Variants in PCDHGA5 observed in about 807,000 individuals in gnomAD.
PCDHGA5 encodes protocadherin gamma-A5.
Under a neutral mutation model 56.7 loss-of-function variants are expected in PCDHGA5, and 36 were observed. The ratio of observed to expected loss-of-function variants is 0.64; its 90% CI spans 0.49 to 0.84. The LOEUF is 0.84. Ranked by LOEUF, PCDHGA5 falls within the 40% of genes least tolerant of loss-of-function variation. The pLI is 0.00. For synonymous variants in PCDHGA5, 563 were observed against 520.2 expected (o/e 1.08, Z -1.12); for missense variants, 1,305 against 1,201.5 (o/e 1.09, Z -1.27).
In PCDHGA5 at chr5:141,364,711, T is replaced by C. The variant is rs370237297; in HGVS notation, c.381T>C (p.Asn127=). ...YGVEVEIIDI[N]DNFPRFRDEE... is the part of the protein sequence containing the mutation. ...TAGAAGTAGAAATAATCGATATTAA[T>C]GATAACTTCCCGCGTTTCCGGGATG... The change falls in exon 1 of 4, where the codon AAT becomes AAC. Residue 127 remains asparagine (N), a synonymous_variant. Transcript: ENST00000518069. 48 of 1,613,870 alleles carry C rather than the reference T, an allele frequency of 3.0e-5. No homozygotes were observed. In the African/African-American group the frequency reaches 5.1e-4, roughly 17 times the overall value.
In PCDHGA5 at chr5:141,432,733, C is replaced by T; in HGVS notation, c.2422-62074C>T. 1 of 1,614,094 alleles carries T rather than the reference C, an allele frequency of 6.2e-7. No individual in the cohort carries two copies. Among genetic ancestry groups the T allele is most frequent in the Middle Eastern group, 1.6e-4 (1 of 6,062 alleles). ...GCCAGCCCCCTCTCTCCGCCACTGTCACGCTCACCGTGGCCGTGGCCGACA... is the reference window on the plus strand; with the variant it reads ...GCCAGCCCCCTCTCTCCGCCACTGTTACGCTCACCGTGGCCGTGGCCGACA... On this transcript the variant is annotated intron_variant, in intron 1 of 3. Coordinates refer to ENST00000518069, the MANE Select transcript of PCDHGA5 (RefSeq NM_018918.3). The surrounding 1 kb of genome is among the most constrained non-coding windows in gnomAD (Gnocchi z 6.0).
At chr5:141,503,478 C>T (rs1249372985) in intron 2 of PCDHGA5, among the ~76,000 whole-genome samples, 3 of 151,680 alleles carry the variant, frequency 2.0e-5, no homozygotes, top group East Asian at 1.9e-4. Context: ...GTGCACTTGT[C>T]GTCCCAGCTG....
Position 141,403,164 on chromosome 5 carries a change from G to A in PCDHGA5, c.2421+36413G>A, listed in dbSNP as rs11575960. The A allele has an allele frequency of 4.9e-3, 7,986 of 1,614,050 alleles. 45 individuals are homozygous for A. Among genetic ancestry groups the A allele is most frequent in the Admixed American group, 9.4e-3 (567 of 60,028 alleles). The stretch of plus-strand genomic sequence containing the variant: ...CGAGTCCGCATCGTCTCTAGAGGTA[G>A]GACGCAGCTTTTCTCTCTGAACCCG... On this transcript the variant is annotated intron_variant, in intron 1 of 3. Coordinates refer to ENST00000518069, the MANE Select transcript of PCDHGA5 (RefSeq NM_018918.3).
intron 1 of PCDHGA5, chr5:141,372,722 A>C: frequency 6.2e-7 from 1 of 1,613,930 alleles, no homozygotes; most frequent in Non-Finnish European, 8.5e-7. Context: ...AAAATGCTGC[A>C]CCACAAGATC....
chr5:141,418,586 A>C lies in PCDHGA5; in HGVS notation c.2421+51835A>C, dbSNP rs1422171892. ...TGCCAATGACAACCCCCCAGTGTTC[A>C]GCCAGGACGTGTACAGGGTTAGCCT... On this transcript the variant is annotated intron_variant, in intron 1 of 3. Transcript: ENST00000518069. The C allele has an allele frequency of 1.9e-6, 3 of 1,613,930 alleles. No individual in the cohort carries two copies. In the Admixed American group the frequency reaches 5.0e-5, roughly 27 times the overall value.
chr5:141,430,984 C>G (rs765063685), intron 1 of PCDHGA5: 2 of 1,613,530 alleles, frequency 1.2e-6, no homozygotes, highest in Non-Finnish European at 1.7e-6. Flanking sequence ...CGCAGCTTTT[C>G]GCCCTGAATC....
intron 1 of PCDHGA5, chr5:141,421,860 C>G: frequency 8.1e-6 from 13 of 1,613,750 alleles, no homozygotes; most frequent in Non-Finnish European, 1.1e-5. Context: ...CTCACCTGCT[C>G]CTCCTCACAG....
chr5:141,387,704 GC>G (rs1273015763), intron 1 of PCDHGA5: 1 of 969,516 alleles, frequency 1.0e-6, no homozygotes, highest in African/African-American at 1.6e-5. Flanking sequence ...TTCCAGGGCA[GC>G]CCCAGCTCAG....
At position 141,477,137 on chromosome 5, in the gene PCDHGA5, G is replaced by A; in HGVS notation, c.2422-17670G>A. 1 of 1,614,200 alleles carries A rather than the reference G, an allele frequency of 6.2e-7. No individual in the cohort carries two copies. The highest frequency in any genetic ancestry group is 8.5e-7 in the Non-Finnish European group (1 of 1,180,050). On this transcript the variant is annotated intron_variant, in intron 1 of 3. Coordinates refer to ENST00000518069, the MANE Select transcript of PCDHGA5 (RefSeq NM_018918.3). The surrounding 1 kb of genome is among the most constrained non-coding windows in gnomAD (Gnocchi z 4.9). ...AGGAGCACATTGCAAAGTGTTGGTG[G>A]AGGTTGTGGATGTGAATGACAACGC...
intron 1 of PCDHGA5, chr5:141,393,129 A>T (rs2150509668): frequency 1.2e-6 from 2 of 1,613,426 alleles, no homozygotes; most frequent in Non-Finnish European, 1.7e-6. Flanking sequence ...TCTGATAAAT[A>T]TTAACACCCT....
chr5:141,446,920 C>T (rs2098520337), intron 1 of PCDHGA5, among the ~76,000 whole-genome samples: 1 of 152,108 alleles, frequency 6.6e-6, no homozygotes, highest in African/African-American at 2.4e-5. Flanking sequence ...TATTTATCTT[C>T]CTGATCTCTT....
At position 141,365,905 on chromosome 5, in the gene PCDHGA5, G is replaced by C. The variant is rs539434078; in HGVS notation, c.1575G>C (p.Leu525Phe). ...TGAGATCCTTCGACTATGAGCAGTT[G>C]AGAGACCTACAGTTGTGGGTGACAG... is the stretch of plus-strand genomic sequence containing the variant. ...YALRSFDYEQ[L>F]RDLQLWVTAS... The change falls in exon 1 of 4, where the codon TTG becomes TTC. Residue 525 changes from leucine to phenylalanine, a missense_variant. Leu to Phe is a conservative substitution (Grantham distance 22). Coordinates refer to ENST00000518069, the MANE Select transcript of PCDHGA5 (RefSeq NM_018918.3). The C allele has an allele frequency of 8.7e-6, 14 of 1,614,190 alleles. No homozygotes were observed. Among genetic ancestry groups the C allele is most frequent in the Non-Finnish European group, 1.1e-5 (13 of 1,180,040 alleles).
intron 1 of PCDHGA5, among the ~76,000 whole-genome samples, chr5:141,457,459 CA>C (rs1402759850): frequency 6.6e-6 from 1 of 152,166 alleles, no homozygotes; most frequent in Non-Finnish European, 1.5e-5. Context: ...CCACTTGATT[CA>C]CAGGAATAAG....
intron 1 of PCDHGA5, chr5:141,422,992 G>A: frequency 6.2e-7 from 1 of 1,614,238 alleles, no homozygotes; most frequent in Non-Finnish European, 8.5e-7. Flanking sequence ...TGGCTACCTG[G>A]TGACCAAGGT....
Position 141,364,618 on chromosome 5 carries a change from C to A in PCDHGA5, c.288C>A (p.Cys96Ter), listed in dbSNP as rs373148081. ...GCAGGATAGACCGGGAGGAGCTCTGCGCTCAGAGCCCACTGTGTGTGGTGA... is the reference window on the plus strand; with the variant it reads ...GCAGGATAGACCGGGAGGAGCTCTGAGCTCAGAGCCCACTGTGTGTGGTGA... The part of the protein sequence containing the change: ...TAGRIDREEL[C>*]AQSPLCVVNF... The change falls in exon 1 of 4, where the codon TGC becomes TGA. Residue 96 changes from cysteine to a stop codon, truncating the protein, a stop_gained. Coordinates refer to ENST00000518069, the MANE Select transcript of PCDHGA5 (RefSeq NM_018918.3). LOFTEE classifies it high-confidence loss of function. 2 of 1,614,140 alleles carry A rather than the reference C, an allele frequency of 1.2e-6. No homozygotes were observed. The highest frequency in any genetic ancestry group is 1.1e-5 in the South Asian group (1 of 91,084).
Position 141,365,574 on chromosome 5 carries a change from C to T in PCDHGA5, c.1244C>T (p.Thr415Ile). 1.9e-6 allele frequency: 3 copies of T among 1,613,636 alleles called. No individual in the cohort carries two copies. Among genetic ancestry groups the T allele is most frequent in the South Asian group, 1.1e-5 (1 of 91,084 alleles). ...LTTRDLDREE[T>I]SDYNITLTVM... ...ACTAGGGACCTGGACAGAGAAGAGA[C>T]TTCAGATTATAATATCACTTTAACC... is the stretch of plus-strand genomic sequence containing the variant. Residue 415 changes from threonine to isoleucine, a missense_variant, in exon 1 of 4, where the codon ACT becomes ATT. By Grantham distance (89) the Thr-to-Ile change is moderately conservative. Coordinates refer to ENST00000518069, the MANE Select transcript of PCDHGA5 (RefSeq NM_018918.3).
intron 1 of PCDHGA5, chr5:141,418,608 G>A (rs1265400499): frequency 6.2e-7 from 1 of 1,614,040 alleles, no homozygotes; most frequent in Admixed American, 1.7e-5. Flanking sequence ...TACAGGGTTA[G>A]CCTTCGGGAA....
chr5:141,382,326 T>G (rs1007367155), intron 1 of PCDHGA5, among the ~76,000 whole-genome samples: 1 of 152,352 alleles, frequency 6.6e-6, no homozygotes, highest in Admixed American at 6.5e-5. Context: ...TGTAAATATT[T>G]TCTAAGTAAA....
chr5:141,370,865 G>A lies in PCDHGA5; in HGVS notation c.2421+4114G>A, dbSNP rs749306291. The A allele has an allele frequency of 1.2e-5, 19 of 1,613,886 alleles. 1 individual carries two copies. The South Asian group carries it at 1.9e-4, about 16-fold the overall frequency. ...GAGCCACATTTGCCCTGGAATCTGC[G>A]CAAGATCCTGATGTAGGTGTCAATT... On this transcript the variant is annotated intron_variant, in intron 1 of 3. Transcript: ENST00000518069.
Sources: allele counts gnomAD v4.1 joint callset (sites outside exome capture counted in the v4.1 genomes callset), GRCh38; gene constraint gnomAD v4.1.1; non-coding constraint Gnocchi (gnomAD v3.1); transcripts MANE v1.5; gene names NCBI Gene and HGNC (gene_info 2026-07-23, HGNC 2026-07-21).